Variants in CSMD3 observed in about 807,000 individuals in gnomAD.
CSMD3 encodes CUB and Sushi multiple domains 3, also known as CUB and sushi domain-containing protein 3.
Under a neutral mutation model 435.2 loss-of-function variants are expected in CSMD3, and 177 were observed. That is an observed-to-expected ratio of 0.41 (90% confidence interval 0.36 to 0.46). The LOEUF (loss-of-function observed/expected upper bound fraction) is 0.46, where lower values mean the gene tolerates loss of function less well. Ranked by LOEUF, CSMD3 falls within the 20% of genes least tolerant of loss-of-function variation. CSMD3 has a pLI of 0.34. For synonymous variants in CSMD3, 1,656 were observed against 1,520.5 expected (o/e 1.09, Z -2.07); for missense variants, 4,265 against 4,504.6 (o/e 0.95, Z 1.52).
intron 61 of CSMD3, among the ~76,000 whole-genome samples, chr8:112,262,447 C>A (rs560287747): frequency 6.6e-6 from 1 of 152,074 alleles, no homozygotes; most frequent in Admixed American, 6.6e-5. Context: ...AGGGAGTATA[C>A]ATTTGAGTAG....
At chr8:113,366,316 G>C (rs1279714425) in intron 1 of CSMD3, among the ~76,000 whole-genome samples, 8 of 151,842 alleles carry the variant, frequency 5.3e-5, no homozygotes, top group Admixed American at 5.3e-4. Context: ...GATAAATCTG[G>C]AGGAGAGACA....
chr8:112,468,019 T>C (rs985598103), intron 32 of CSMD3, among the ~76,000 whole-genome samples: 1 of 152,152 alleles, frequency 6.6e-6, no homozygotes, highest in Non-Finnish European at 1.5e-5. Flanking sequence ...CTTTTACAGA[T>C]AATTCCTAGA....
chr8:112,305,604 G>A (rs1821346829), intron 51 of CSMD3, among the ~76,000 whole-genome samples: 1 of 151,972 alleles, frequency 6.6e-6, no homozygotes. Context: ...AAAGTTTAAA[G>A]TTATGGATAA....
intron 11 of CSMD3, among the ~76,000 whole-genome samples, chr8:112,836,910 C>T (rs2080041994): frequency 6.6e-6 from 1 of 151,822 alleles, no homozygotes; most frequent in South Asian, 2.1e-4. Flanking sequence ...GGTGATGAAA[C>T]TAAACTTCAA....
chr8:112,724,997 T>C (rs901147751), intron 13 of CSMD3, among the ~76,000 whole-genome samples: 1 of 152,024 alleles, frequency 6.6e-6, no homozygotes, highest in African/African-American at 2.4e-5. Context: ...TTTGTTACCA[T>C]AGTAGTGAAA....
At chr8:112,828,543 G>T (rs746103365) in intron 12 of CSMD3, among the ~76,000 whole-genome samples, 1 of 152,068 alleles carries the variant, frequency 6.6e-6, no homozygotes, top group Non-Finnish European at 1.5e-5. Context: ...GGCCACCATT[G>T]TAAGTTTCCC....
intron 5 of CSMD3, among the ~76,000 whole-genome samples, chr8:113,089,546 C>T (rs1414065120): frequency 6.6e-6 from 1 of 151,946 alleles, no homozygotes; most frequent in Non-Finnish European, 1.5e-5. Flanking sequence ...AAGAAAAACC[C>T]TGAAATTTTT....
chr8:113,267,637 G>C (rs924718313), intron 3 of CSMD3, among the ~76,000 whole-genome samples: 1 of 151,372 alleles, frequency 6.6e-6, no homozygotes, highest in Non-Finnish European at 1.5e-5. Flanking sequence ...TGGGTTAAAG[G>C]GTACAAACTT....
At chr8:112,467,878 C>T (rs1318924824) in intron 32 of CSMD3, among the ~76,000 whole-genome samples, 1 of 152,066 alleles carries the variant, frequency 6.6e-6, no homozygotes, top group Non-Finnish European at 1.5e-5. Context: ...TCTCTAGAGC[C>T]GCCAGAGGAA....
At chr8:113,031,283 C>T (rs2087097700) in intron 5 of CSMD3, among the ~76,000 whole-genome samples, 1 of 151,610 alleles carries the variant, frequency 6.6e-6, no homozygotes, top group South Asian at 2.1e-4. Context: ...CAAACTGTAG[C>T]ATATCCATAT....
At chr8:112,844,152 G>A (rs546146169) in intron 11 of CSMD3, among the ~76,000 whole-genome samples, 4 of 151,980 alleles carry the variant, frequency 2.6e-5, no homozygotes, top group African/African-American at 9.6e-5. Context: ...GCTTAGCATA[G>A]TGCCTGTCAC....
In CSMD3 at chr8:112,352,517, A is replaced by C; in HGVS notation, c.6154T>G (p.Cys2052Gly). ...CTGCTAGGAGTTTGTGGTTCAGGAC[A>C]GGAATCCAAACCAATTGCTAAGAAT... is the stretch of plus-strand genomic sequence containing the variant. Reference protein sequence around the residue: ...LEYTAIGLDSCPEPQTPSSGI... With the variant: ...LEYTAIGLDSGPEPQTPSSGI... The change falls in exon 39 of 71, where the codon TGT becomes GGT. Residue 2052 changes from cysteine (C) to glycine (G), a missense_variant. This residue lies in a region of CSMD3 where 3,255 missense variants were observed against 3,380.2 expected (regional missense o/e 0.96). Coordinates refer to ENST00000297405, the MANE Select transcript of CSMD3 (RefSeq NM_198123.2). 1 of 1,613,238 alleles carries C rather than the reference A, an allele frequency of 6.2e-7. No individual in the cohort carries two copies. The highest frequency in any genetic ancestry group is 2.2e-5 in the East Asian group (1 of 44,766).
At chr8:113,079,082 A>C (rs1170294240) in intron 5 of CSMD3, among the ~76,000 whole-genome samples, 1 of 152,212 alleles carries the variant, frequency 6.6e-6, no homozygotes. Context: ...CCCAGAAAAA[A>C]TATATTTGAA....
chr8:113,007,893 G>A (rs1587873226), intron 6 of CSMD3, among the ~76,000 whole-genome samples: 2 of 151,936 alleles, frequency 1.3e-5, no homozygotes, highest in South Asian at 2.1e-4. Context: ...ATAATGGAAT[G>A]TATAAAATTA....
chr8:112,660,838 A>G (rs527791854), intron 17 of CSMD3, among the ~76,000 whole-genome samples: 9 of 152,292 alleles, frequency 5.9e-5, no homozygotes, highest in Admixed American at 3.9e-4. Flanking sequence ...TGGGCCAATT[A>G]ACAAAGAATG....
At chr8:112,565,087 C>T (rs1298526863) in intron 24 of CSMD3, among the ~76,000 whole-genome samples, 2 of 151,886 alleles carry the variant, frequency 1.3e-5, no homozygotes, top group Non-Finnish European at 2.9e-5. Context: ...TTAATATTGT[C>T]TATGTAAATG....
chr8:112,765,179 T>A (rs1349565019), intron 13 of CSMD3, among the ~76,000 whole-genome samples: 2 of 151,628 alleles, frequency 1.3e-5, no homozygotes, highest in East Asian at 1.9e-4. Context: ...ATATTTCAGA[T>A]TTTATTGTGA....
intron 5 of CSMD3, among the ~76,000 whole-genome samples, chr8:113,059,459 T>C (rs1456420990): frequency 6.6e-6 from 1 of 152,192 alleles, no homozygotes; most frequent in Non-Finnish European, 1.5e-5. Context: ...TCTTTTATAT[T>C]GTTCTGCATT....
At chr8:112,877,291 G>A (rs2081311975) in intron 10 of CSMD3, among the ~76,000 whole-genome samples, 1 of 151,324 alleles carries the variant, frequency 6.6e-6, no homozygotes, top group South Asian at 2.1e-4. Flanking sequence ...ATTTGAGAAA[G>A]TTTCACTCTT....
Sources: allele counts gnomAD v4.1 joint callset (sites outside exome capture counted in the v4.1 genomes callset), GRCh38; gene constraint gnomAD v4.1.1; regional missense constraint gnomAD v4.1.1; transcripts MANE v1.5; gene names NCBI Gene and HGNC (gene_info 2026-07-23, HGNC 2026-07-21).